The following PEX5L variants were observed in gnomAD, a reference collection of about 807,000 sequenced individuals.
The protein encoded by PEX5L is peroxisomal biogenesis factor 5 like.
PEX5L carries 30 observed loss-of-function variants against 84.0 expected under a neutral mutation model. The ratio of observed to expected loss-of-function variants is 0.36; its 90% CI spans 0.27 to 0.48. The LOEUF (loss-of-function observed/expected upper bound fraction) is 0.48. PEX5L is among the 20% of genes least tolerant of loss of function. The pLI is 0.99. For missense variants in PEX5L, 533 were observed against 754.6 expected (o/e 0.71, Z 3.44); for synonymous variants, 270 against 283.1 (o/e 0.95, Z 0.46).
At chr3:179,876,217 G>A (rs1054163915) in intron 5 of PEX5L, among the ~76,000 whole-genome samples, 2 of 152,128 alleles carry the variant, frequency 1.3e-5, no homozygotes, top group African/African-American at 4.8e-5. Flanking sequence ...ATCGGGCCAG[G>A]TGGTGGTGGC....
chr3:179,968,991 A>G (rs1050276009), intron 2 of PEX5L, among the ~76,000 whole-genome samples: 3 of 152,010 alleles, frequency 2.0e-5, no homozygotes, highest in African/African-American at 2.4e-5. Flanking sequence ...ATCCACATAC[A>G]TGGTGCTGCT....
At position 180,029,909 on chromosome 3, in the gene PEX5L, TAAC is replaced by T. The variant is rs1791300738; in HGVS notation, c.21+6667_21+6669del. ...TGAGGATGGGCATGCACGTTACAGT[TAAC>T]AACCATGTGAAGGGAGGTGAAGGGG... On this transcript the variant is annotated intron_variant, in intron 1 of 14. Transcript: ENST00000467460. 2.6e-5 allele frequency among the ~76,000 whole-genome samples: 4 copies of T among 152,326 alleles called. No individual in the cohort carries two copies. In the South Asian group the frequency reaches 8.3e-4, roughly 32 times the overall value.
chr3:180,027,996 C>T (rs1791120398), intron 1 of PEX5L, among the ~76,000 whole-genome samples: 1 of 152,204 alleles, frequency 6.6e-6, no homozygotes, highest in Non-Finnish European at 1.5e-5. Context: ...TCCAGAGGCA[C>T]ATGCTCCATC....
chr3:179,999,980 C>G (rs916969875), intron 1 of PEX5L, among the ~76,000 whole-genome samples: 2 of 152,192 alleles, frequency 1.3e-5, no homozygotes, highest in Non-Finnish European at 2.9e-5. Flanking sequence ...TCTGAATCAG[C>G]GTCCAATATA....
intron 8 of PEX5L, among the ~76,000 whole-genome samples, chr3:179,842,287 G>T (rs1737605846): frequency 6.6e-6 from 1 of 152,142 alleles, no homozygotes; most frequent in Admixed American, 6.5e-5. Flanking sequence ...AACTAGGACG[G>T]GTAGCTGTTT....
chr3:179,810,002 C>CTTTTTTTTTTTTTTTTTTT, intron 11 of PEX5L, among the ~76,000 whole-genome samples: 1 of 45,262 alleles, frequency 2.2e-5, no homozygotes, highest in Non-Finnish European at 3.8e-5. Flanking sequence ...TTTAATGCTG[C>CTTTTTTTTTTTTTTTTTTT]TTTTTTTTTT....
chr3:179,867,324 C>T (rs571294260), intron 7 of PEX5L, among the ~76,000 whole-genome samples: 9 of 152,264 alleles, frequency 5.9e-5, no homozygotes, highest in African/African-American at 2.2e-4. Flanking sequence ...GCTACTTCCA[C>T]ATTGTTAAAT....
At chr3:179,871,100 C>CTTT (rs397801213) in intron 7 of PEX5L, among the ~76,000 whole-genome samples, 1,087 of 94,926 alleles carry the variant, frequency 0.011, 35 homozygotes, top group African/African-American at 0.047. Flanking sequence ...TTGAGTTATA[C>CTTT]TTTTTTTTTT....
chr3:179,828,318 A>G (rs1468188542), intron 8 of PEX5L, among the ~76,000 whole-genome samples: 1 of 152,158 alleles, frequency 6.6e-6, no homozygotes, highest in Admixed American at 6.5e-5. Flanking sequence ...TCCTTAGCAG[A>G]TCTAGCCAAG....
At chr3:180,026,852 C>T (rs1278005952) in intron 1 of PEX5L, among the ~76,000 whole-genome samples, 2 of 152,058 alleles carry the variant, frequency 1.3e-5, no homozygotes, top group African/African-American at 4.8e-5. Context: ...GGTGGACATT[C>T]ACTTAAAAAA....
chr3:179,984,418 ACTG>A (rs1461687108), intron 1 of PEX5L, among the ~76,000 whole-genome samples: 1 of 152,140 alleles, frequency 6.6e-6, no homozygotes, highest in African/African-American at 2.4e-5. Flanking sequence ...TGAGTTGGTT[ACTG>A]CTATTTTTCA....
chr3:179,797,666 A>C lies in PEX5L; in HGVS notation c.*4162T>G, dbSNP rs1000617417. 1.4e-4 allele frequency: 21 copies of C among 149,362 alleles called. No homozygotes were observed. The highest frequency in any genetic ancestry group is 2.4e-4 in the African/African-American group (10 of 40,880). 9.3% of individuals were successfully genotyped at this position (149,362 alleles called of 1,614,324 possible). ...AGTTCAAAACAGTTTAATTTCAACC[A>C]GTTCTATAACTATTGAGATGATGAT... On this transcript the variant is annotated 3_prime_UTR_variant, in exon 15 of 15. Transcript: ENST00000467460.
At chr3:179,812,141 T>C (rs1249034193) in intron 10 of PEX5L, among the ~76,000 whole-genome samples, 1 of 152,218 alleles carries the variant, frequency 6.6e-6, no homozygotes, top group African/African-American at 2.4e-5. Flanking sequence ...ATTTCTGAGA[T>C]TTCGTTATAT....
chr3:180,000,154 G>A (rs774748598), intron 1 of PEX5L, among the ~76,000 whole-genome samples: 2 of 152,120 alleles, frequency 1.3e-5, no homozygotes, highest in African/African-American at 2.4e-5. Context: ...AGTTCCAGAG[G>A]GAGGAATGCT....
intron 2 of PEX5L, among the ~76,000 whole-genome samples, chr3:179,936,019 T>C (rs1774480856): frequency 6.6e-6 from 1 of 152,182 alleles, no homozygotes; most frequent in African/African-American, 2.4e-5. Context: ...CCACCAGAGT[T>C]GTAAGCCAAA....
chr3:179,853,689 A>C (rs1050067505), intron 8 of PEX5L, among the ~76,000 whole-genome samples: 1 of 152,132 alleles, frequency 6.6e-6, no homozygotes, highest in African/African-American at 2.4e-5. Context: ...TAAGCCCAGA[A>C]TGGGAGTATC....
intron 1 of PEX5L, among the ~76,000 whole-genome samples, chr3:180,028,138 T>A (rs920278055): frequency 3.3e-5 from 5 of 152,230 alleles, no homozygotes; most frequent in African/African-American, 1.2e-4. Context: ...CTTATTCCCA[T>A]ACTGCCTTCC....
intron 2 of PEX5L, among the ~76,000 whole-genome samples, chr3:179,913,617 C>T (rs888815781): frequency 1.3e-5 from 2 of 152,044 alleles, no homozygotes; most frequent in Non-Finnish European, 2.9e-5. Flanking sequence ...CATTTTTCCT[C>T]ATTAAAAGTT....
rs139212816 is a variant in PEX5L, at chr3:179,991,330, C to T, written c.22-19665G>A. Among the ~76,000 whole-genome samples the T allele has an allele frequency of 6.9e-3, 1,049 of 152,262 alleles. 7 individuals are homozygous for T. The highest frequency in any genetic ancestry group is 0.012 in the Non-Finnish European group (804 of 68,014). On this transcript the variant is annotated intron_variant, in intron 1 of 14. Transcript: ENST00000467460. ...AGGTTTTACAAGCATAGTCGCAAGG[C>T]CAAGGTGACTATATCTACTGCAGAC...
Sources: gnomAD v4.1 joint callset for allele counts (sites outside exome capture counted in the v4.1 genomes callset) on GRCh38, gnomAD v4.1.1 for gene constraint, MANE v1.5 for transcripts, NCBI Gene and HGNC (gene_info 2026-07-23, HGNC 2026-07-21) for gene names.